PRKRA: variants seen among roughly 807,000 people sequenced by gnomAD.
PRKRA encodes protein activator of interferon induced protein kinase EIF2AK2.
PRKRA carries 22 observed loss-of-function variants against 32.4 expected under a neutral mutation model. The ratio of observed to expected loss-of-function variants is 0.68; its 90% CI spans 0.49 to 0.97. The LOEUF is 0.97. Ranked by LOEUF, PRKRA falls within the 50% of genes least tolerant of loss-of-function variation. The probability of loss-of-function intolerance (pLI) is 0.00; values close to 1 mark genes in which losing one functional copy is unlikely to be tolerated. For synonymous variants in PRKRA, 139 were observed against 129.8 expected (o/e 1.07, Z -0.48); for missense variants, 319 against 375.6 (o/e 0.85, Z 1.25).
intron 6 of PRKRA, chr2:178,439,256 C>T (rs1403298834): frequency 1.3e-5 from 2 of 152,092 alleles, no homozygotes; most frequent in South Asian, 2.1e-4. Flanking sequence ...TATGAAGCTT[C>T]GTAAGTTTTG....
intron 3 of PRKRA, among the ~76,000 whole-genome samples, chr2:178,446,242 T>C (rs1697308954): frequency 6.6e-6 from 1 of 150,870 alleles, no homozygotes; most frequent in South Asian, 2.1e-4. Context: ...CTTGAACTCC[T>C]GGCCTCAAGT....
At chr2:178,444,329 T>C (rs1157830253) in intron 4 of PRKRA, 93 bp downstream of exon 4, 7 of 853,038 alleles carry the variant, frequency 8.2e-6, no homozygotes, top group Non-Finnish European at 1.2e-5. Flanking sequence ...TATCACTATC[T>C]TGTCTTTAAA....
chr2:178,438,002 A>G (rs1387154329), intron 6 of PRKRA, among the ~76,000 whole-genome samples: 2 of 152,188 alleles, frequency 1.3e-5, no homozygotes, highest in Non-Finnish European at 2.9e-5. Flanking sequence ...TGTGTGCAGC[A>G]GATGTGTACA....
intron 3 of PRKRA, 88 bp from the exon 4 acceptor site, chr2:178,444,588 T>C: frequency 1.2e-6 from 1 of 801,744 alleles, no homozygotes; most frequent in Non-Finnish European, 1.8e-6. Context: ...TAACTCTCTA[T>C]GTCTTTGCTC....
intron 3 of PRKRA, among the ~76,000 whole-genome samples, chr2:178,446,992 C>CAAAAA (rs780283451): frequency 8.0e-4 from 37 of 46,032 alleles, no homozygotes; most frequent in African/African-American, 1.7e-3. Flanking sequence ...GACTCCGTCT[C>CAAAAA]AAAAAAAAAA....
intron 3 of PRKRA, chr2:178,447,232 G>C (rs1029742802): frequency 2.6e-6 from 1 of 384,712 alleles, no homozygotes; most frequent in African/African-American, 2.1e-5. Context: ...ATTAATATTT[G>C]CAAGAAGCAC....
Position 178,432,064 on chromosome 2 carries a change from T to A in PRKRA, c.*33A>T. The A allele has an allele frequency of 6.2e-7, 1 of 1,611,826 alleles. No homozygotes were observed. The highest frequency in any genetic ancestry group is 8.5e-7 in the Non-Finnish European group (1 of 1,178,228). ...AGGGGCCAGAGGGGAACTTTTTATG[T>A]GCTACTGAAAGATTTTTTAAGTTGC... On this transcript the variant is annotated 3_prime_UTR_variant, in exon 8 of 8. Coordinates refer to ENST00000325748, the MANE Select transcript of PRKRA (RefSeq NM_003690.5).
chr2:178,444,524 T>A, intron 3 of PRKRA, 24 bp from the exon 4 acceptor site: 3 of 714,894 alleles, frequency 4.2e-6, no homozygotes, highest in Non-Finnish European at 6.2e-6. Context: ...AAAAGTGTTA[T>A]AAAACAAAAT....
At position 178,444,469 on chromosome 2, in the gene PRKRA, G is replaced by A. The variant is rs766941533; in HGVS notation, c.349C>T (p.Pro117Ser). The A allele has an allele frequency of 1.9e-6, 3 of 1,606,842 alleles. No individual in the cohort carries two copies. The highest frequency in any genetic ancestry group is 2.6e-6 in the Non-Finnish European group (3 of 1,173,616). ...AGCTGGTTCTTTGGTTGCTTGGAAG[G>A]GTCAGGCATTAAGGGGTCAGGAACT... ...FAVPDPLMPD[P>S]SKQPKNQLNP... is the part of the protein sequence containing the mutation. Residue 117 changes from proline to serine, a missense_variant, in exon 4 of 8, where the codon CCT becomes TCT. Pro to Ser is a moderately conservative substitution (Grantham distance 74). Transcript: ENST00000325748.
rs753246575 is a variant in PRKRA at position 178,432,075 on chromosome 2, G to T, written c.*22C>A. 1.4e-5 allele frequency: 22 copies of T among 1,613,522 alleles called. No individual in the cohort carries two copies. In the Admixed American group the frequency reaches 3.7e-4, roughly 27 times the overall value. On this transcript the variant is annotated 3_prime_UTR_variant, in exon 8 of 8. Transcript: ENST00000325748. ...GGGAACTTTTTATGTGCTACTGAAA[G>T]ATTTTTTAAGTTGCTCCAGATTTAC...
intron 7 of PRKRA, 143 bp downstream of exon 7, chr2:178,436,002 G>A (rs1195537822): frequency 1.5e-6 from 1 of 684,832 alleles, no homozygotes; most frequent in Admixed American, 2.9e-5. Flanking sequence ...TATATTACTG[G>A]CCTAGTAATT....
Position 178,451,095 on chromosome 2 carries a change from G to T in PRKRA, c.-65C>A. On this transcript the variant is annotated 5_prime_UTR_variant, in exon 1 of 8. Transcript: ENST00000325748. ...GCGGAGCGACGTGCTCGCTCCCCGG[G>T]TCGCTGGTCCCCGGGAGGAGCTCCA... The T allele has an allele frequency of 6.6e-7, 1 of 1,511,300 alleles. No homozygotes were observed. The highest frequency in any genetic ancestry group is 8.8e-7 in the Non-Finnish European group (1 of 1,130,362). The allele number at this position is 1,511,300 out of a possible 1,614,324, so 93.6% of individuals were successfully genotyped here. A position where few individuals can be genotyped will look rare whatever the true frequency, so the allele number is the denominator to read the frequency against.
intron 2 of PRKRA, among the ~76,000 whole-genome samples, chr2:178,449,067 A>G (rs1444383586): frequency 6.6e-6 from 1 of 152,230 alleles, no homozygotes; most frequent in Admixed American, 6.5e-5. Context: ...GTCTTTAGAC[A>G]GTATCAGAAG....
At position 178,443,353 on chromosome 2, in the gene PRKRA, G is replaced by T; in HGVS notation, c.428C>A (p.Pro143His). The change falls in exon 5 of 8, where the codon CCT becomes CAT. Residue 143 changes from proline (P) to histidine (H), a missense_variant. Physicochemically the swap from Pro to His is moderately conservative, Grantham distance 77. Coordinates refer to ENST00000325748, the MANE Select transcript of PRKRA (RefSeq NM_003690.5). ...ELAIHHGWRL[P>H]EYTLSQEGGP... ...TCCCTCCTGGGAAAGGGTATATTCA[G>T]GAAGTCTCCAGCCATGATGAATAGC... 1 of 1,612,880 alleles carries T rather than the reference G, an allele frequency of 6.2e-7. No homozygotes were observed. Among genetic ancestry groups the T allele is most frequent in the South Asian group, 1.1e-5 (1 of 91,050 alleles).
intron 5 of PRKRA, among the ~76,000 whole-genome samples, 191 bp from the exon 6 acceptor site, chr2:178,441,895 T>A (rs1697131300): frequency 6.6e-6 from 1 of 151,078 alleles, no homozygotes. Flanking sequence ...TTCTTTTTTT[T>A]TTTTTTTTTG....
chr2:178,449,508 T>C (rs1301033129), intron 2 of PRKRA, among the ~76,000 whole-genome samples: 1 of 152,228 alleles, frequency 6.6e-6, no homozygotes, highest in Non-Finnish European at 1.5e-5. Context: ...ATTAAATAGA[T>C]ACATAAGAAA....
intron 3 of PRKRA, chr2:178,445,890 T>G (rs1697298501): frequency 6.6e-6 from 1 of 151,408 alleles, no homozygotes; most frequent in Non-Finnish European, 1.5e-5. Context: ...GCCACCACAC[T>G]CGGCTAATTT....
chr2:178,450,374 G>A lies in PRKRA; in HGVS notation c.103C>T (p.Pro35Ser). 1 of 1,614,238 alleles carries A rather than the reference G, an allele frequency of 6.2e-7. No homozygotes were observed. Among genetic ancestry groups the A allele is most frequent in the Non-Finnish European group, 8.5e-7 (1 of 1,180,052 alleles). ...KMITAKPGKT[P>S]IQVLHEYGMK... ...CCGTATTCGTGTAATACCTGAATCG[G>A]TGTTTTCCCTGGCTTAGCTGTTATC... Residue 35 changes from proline to serine, a missense_variant, in exon 2 of 8, where the codon CCG becomes TCG. Pro to Ser is a moderately conservative substitution (Grantham distance 74). Coordinates refer to ENST00000325748, the MANE Select transcript of PRKRA (RefSeq NM_003690.5).
chr2:178,438,485 A>G (rs1316113029), intron 6 of PRKRA, among the ~76,000 whole-genome samples: 3 of 152,134 alleles, frequency 2.0e-5, no homozygotes, highest in East Asian at 1.9e-4. Context: ...TGGATTCTCT[A>G]TTCGCTCCTC....
Sources: allele counts gnomAD v4.1 joint callset (sites outside exome capture counted in the v4.1 genomes callset), GRCh38; gene constraint gnomAD v4.1.1; transcripts MANE v1.5; gene names NCBI Gene and HGNC (gene_info 2026-07-23, HGNC 2026-07-21).